OSBPL6: variants seen among roughly 807,000 people sequenced by gnomAD.
OSBPL6 encodes the protein oxysterol binding protein like 6.
A neutral mutation model predicts 125.8 loss-of-function variants in OSBPL6; 49 were observed. The observed-to-expected ratio is 0.39, with a 90% CI of 0.31 to 0.49. The LOEUF (loss-of-function observed/expected upper bound fraction) is 0.49. Among genes scored for constraint, OSBPL6 ranks in the 20% least tolerant of loss-of-function variants. The pLI is 0.88. For missense variants in OSBPL6, 986 were observed against 1,135.4 expected, an observed-to-expected ratio of 0.87 and a Z score of 1.89; for synonymous variants, 394 against 391.8, an observed-to-expected ratio of 1.01 and a Z score of -0.07.
Position 178,293,159 on chromosome 2 carries a change from A to G in OSBPL6, c.-156+8038A>G, listed in dbSNP as rs185054332. Among the ~76,000 whole-genome samples the G allele has an allele frequency of 3.5e-3, 526 of 152,306 alleles. 3 individuals are homozygous for G. The highest frequency in any genetic ancestry group is 0.012 in the African/African-American group (513 of 41,578). On this transcript the variant is annotated intron_variant, in intron 2 of 24. Coordinates refer to ENST00000190611, the MANE Select transcript of OSBPL6 (RefSeq NM_032523.4). ...ATTTTTGTATCTTTCCTGCAAATCT[A>G]AAATTATTCCAAAATAAAACATTTA...
At chr2:178,313,020 T>C (rs556146308) in intron 3 of OSBPL6, among the ~76,000 whole-genome samples, 1 of 151,974 alleles carries the variant, frequency 6.6e-6, no homozygotes. Context: ...CTCAGCCTCC[T>C]GAGTAACTGG....
intron 12 of OSBPL6, among the ~76,000 whole-genome samples, chr2:178,355,423 A>G (rs1691690316): frequency 1.3e-5 from 2 of 152,244 alleles, no homozygotes; most frequent in Non-Finnish European, 2.9e-5. Flanking sequence ...CCAAACCCAC[A>G]GAAATACAAA....
chr2:178,371,174 C>T (rs1693346892), intron 13 of OSBPL6, among the ~76,000 whole-genome samples: 1 of 152,200 alleles, frequency 6.6e-6, no homozygotes, highest in African/African-American at 2.4e-5. Flanking sequence ...AGAAGACTAT[C>T]TTTTCTCTGG....
intron 13 of OSBPL6, among the ~76,000 whole-genome samples, chr2:178,369,787 G>A (rs1693206327): frequency 1.3e-5 from 2 of 152,180 alleles, no homozygotes; most frequent in African/African-American, 2.4e-5. Context: ...AATATCCAGA[G>A]CAAGCTTTTC....
chr2:178,275,316 A>G (rs970365297), intron 1 of OSBPL6, among the ~76,000 whole-genome samples: 2 of 152,102 alleles, frequency 1.3e-5, no homozygotes, highest in African/African-American at 4.8e-5. Context: ...GTTTGAGGTT[A>G]GCCTGGCCAA....
chr2:178,336,139 C>T (rs937215318), intron 8 of OSBPL6, among the ~76,000 whole-genome samples, 162 bp from the exon 9 acceptor site: 16 of 152,296 alleles, frequency 1.1e-4, no homozygotes, highest in African/African-American at 3.6e-4. Flanking sequence ...GGAATGTCGC[C>T]CTCACTGGGC....
chr2:178,233,856 C>A (rs2153983319), intron 1 of OSBPL6, among the ~76,000 whole-genome samples: 1 of 152,208 alleles, frequency 6.6e-6, no homozygotes. Flanking sequence ...CATGATAATT[C>A]TTCTATAAGC....
intron 1 of OSBPL6, among the ~76,000 whole-genome samples, chr2:178,227,824 A>T (rs1479611459): frequency 6.6e-6 from 1 of 152,224 alleles, no homozygotes; most frequent in African/African-American, 2.4e-5. Flanking sequence ...ATGGGGTTCA[A>T]GATGGTTGTT....
intron 1 of OSBPL6, among the ~76,000 whole-genome samples, chr2:178,216,437 T>C (rs2090095996): frequency 6.6e-6 from 1 of 152,194 alleles, no homozygotes; most frequent in Non-Finnish European, 1.5e-5. Context: ...AGTAACAGAT[T>C]GTAAGTCATT....
At chr2:178,239,012 C>A (rs977788539) in intron 1 of OSBPL6, among the ~76,000 whole-genome samples, 1 of 152,164 alleles carries the variant, frequency 6.6e-6, no homozygotes, top group African/African-American at 2.4e-5. Context: ...GCCTTTCAAT[C>A]GTCTATGTGA....
chr2:178,263,735 G>A (rs555796590), intron 1 of OSBPL6, among the ~76,000 whole-genome samples: 7 of 151,864 alleles, frequency 4.6e-5, no homozygotes, highest in African/African-American at 1.7e-4. Context: ...GACATGGCAG[G>A]CTCCTGCTTG....
chr2:178,337,964 C>T (rs112924748), intron 9 of OSBPL6, among the ~76,000 whole-genome samples: 3,656 of 91,046 alleles, frequency 0.04, 155 homozygotes, highest in African/African-American at 0.13. Flanking sequence ...TTTTTTGAGA[C>T]GGAGTCTTGC....
rs1356837262 is a variant in OSBPL6, at chr2:178,244,357, T to C, written c.-350-40570T>C. On this transcript the variant is annotated intron_variant, in intron 1 of 24. Coordinates refer to ENST00000190611, the MANE Select transcript of OSBPL6 (RefSeq NM_032523.4). ...ATGTTCTTTTTCTTCTCACATTTAATATTTGTAATCATAGGCTTAGCTATT... is the reference window on the plus strand; with the variant it reads ...ATGTTCTTTTTCTTCTCACATTTAACATTTGTAATCATAGGCTTAGCTATT... Among the ~76,000 whole-genome samples the C allele has an allele frequency of 2.0e-5, 3 of 152,212 alleles. 1 individual carries two copies. Among genetic ancestry groups the C allele is most frequent in the Admixed American group, 1.3e-4 (2 of 15,282 alleles).
chr2:178,290,422 TG>T (rs1351674163), intron 2 of OSBPL6, among the ~76,000 whole-genome samples: 4 of 62,270 alleles, frequency 6.4e-5, no homozygotes, highest in Non-Finnish European at 1.1e-4. Context: ...TTAATTGTAG[TG>T]GTTTTTTTTT....
chr2:178,209,653 A>G (rs992664419), intron 1 of OSBPL6, among the ~76,000 whole-genome samples: 1 of 151,848 alleles, frequency 6.6e-6, no homozygotes, highest in East Asian at 1.9e-4. Context: ...GCTTCTGTTT[A>G]AGAGTGAGTC....
intron 15 of OSBPL6, among the ~76,000 whole-genome samples, chr2:178,379,348 G>C (rs1227923949): frequency 7.6e-6 from 1 of 130,822 alleles, no homozygotes; most frequent in African/African-American, 2.8e-5. Context: ...GGGAGGGAGG[G>C]AGGGAGGGGA....
intron 13 of OSBPL6, among the ~76,000 whole-genome samples, chr2:178,369,993 G>A (rs1172799744): frequency 6.6e-6 from 1 of 152,140 alleles, no homozygotes; most frequent in Non-Finnish European, 1.5e-5. Flanking sequence ...GGCTGGGCAG[G>A]GTAGCTCCTG....
rs1370933951 is a variant in OSBPL6, at chr2:178,379,115, C to T, written c.1534-3305C>T. Among the ~76,000 whole-genome samples, 9 of 151,374 alleles carry T rather than the reference C, an allele frequency of 5.9e-5. No individual in the cohort carries two copies. In the South Asian group the frequency reaches 6.3e-4, roughly 11 times the overall value. Reference sequence around the variant, plus strand: ...TGAGCCCAGGAGGGAAAGGCTGTGTCGAGCTGTGATTGTACCATTGTACTC... The same window carrying T: ...TGAGCCCAGGAGGGAAAGGCTGTGTTGAGCTGTGATTGTACCATTGTACTC... On this transcript the variant is annotated intron_variant, in intron 15 of 24. Transcript: ENST00000190611.
intron 12 of OSBPL6, among the ~76,000 whole-genome samples, chr2:178,358,622 G>A (rs1189652963): frequency 6.6e-6 from 1 of 152,088 alleles, no homozygotes; most frequent in Non-Finnish European, 1.5e-5. Flanking sequence ...AGACCTAAAT[G>A]TAAGACCTGA....
Sources: allele counts gnomAD v4.1 joint callset (sites outside exome capture counted in the v4.1 genomes callset), GRCh38; gene constraint gnomAD v4.1.1; transcripts MANE v1.5; gene names NCBI Gene and HGNC (gene_info 2026-07-23, HGNC 2026-07-21).